Variants in SLCO1C1 observed in about 807,000 individuals in gnomAD.
SLCO1C1 encodes the protein solute carrier organic anion transporter family member 1C1.
A neutral mutation model predicts 76.4 loss-of-function variants in SLCO1C1; 70 were observed. The observed-to-expected ratio is 0.92, with a 90% confidence interval of 0.76 to 1.12. SLCO1C1 has a LOEUF of 1.12. SLCO1C1 is among the 50% of genes most tolerant of loss of function. The probability of loss-of-function intolerance (pLI) is 0.00; values close to 1 mark genes in which losing one functional copy is unlikely to be tolerated. For missense variants in SLCO1C1, 912 were observed against 823.8 expected, an observed-to-expected ratio of 1.11 and a Z score of -1.31; for synonymous variants, 306 against 286.1, an observed-to-expected ratio of 1.07 and a Z score of -0.70.
chr12:20,752,087 T>C (rs1949333323), intron 14 of SLCO1C1, among the ~76,000 whole-genome samples: 1 of 152,164 alleles, frequency 6.6e-6, no homozygotes, highest in Non-Finnish European at 1.5e-5. Flanking sequence ...AAACTGATTA[T>C]GTAATTAGTA....
intron 10 of SLCO1C1, among the ~76,000 whole-genome samples, chr12:20,733,326 T>C (rs1948383808): frequency 6.6e-6 from 1 of 152,192 alleles, no homozygotes; most frequent in Non-Finnish European, 1.5e-5. Context: ...TAAACCCATA[T>C]TTTACACTAG....
At position 20,717,773 on chromosome 12, in the gene SLCO1C1, G is replaced by T. The variant is rs905242424; in HGVS notation, c.775+543G>T. Reference sequence around the variant, plus strand: ...TGGCTTTTCTTCTGGGACGTTGCTTGTGTAGGAAATAAATGGCAAAGGGGA... The same window carrying T: ...TGGCTTTTCTTCTGGGACGTTGCTTTTGTAGGAAATAAATGGCAAAGGGGA... On this transcript the variant is annotated intron_variant, in intron 7 of 14. Transcript: ENST00000266509. Among the ~76,000 whole-genome samples the T allele has an allele frequency of 5.5e-5, 8 of 145,026 alleles. No individual in the cohort carries two copies. In the East Asian group the frequency reaches 1.5e-3, roughly 27 times the overall value.
At chr12:20,698,918 GCTGT>G (rs990875708) in intron 1 of SLCO1C1, among the ~76,000 whole-genome samples, 3 of 151,940 alleles carry the variant, frequency 2.0e-5, no homozygotes, top group Non-Finnish European at 2.9e-5. Context: ...GGGAAGCAAG[GCTGT>G]CTTTTTTACT....
At chr12:20,715,640 G>A (rs1408797188) in intron 6 of SLCO1C1, among the ~76,000 whole-genome samples, 1 of 152,080 alleles carries the variant, frequency 6.6e-6, no homozygotes, top group Non-Finnish European at 1.5e-5. Flanking sequence ...TTATTTAAAA[G>A]TTTGTTCCTT....
intron 7 of SLCO1C1, 31 bp from the exon 8 acceptor site, chr12:20,721,773 G>A (rs757734211): frequency 7.5e-6 from 12 of 1,606,848 alleles, no homozygotes; most frequent in South Asian, 1.1e-5. Flanking sequence ...TTTGCTGTTT[G>A]TATTACTTAG....
chr12:20,701,074 C>T (rs889960583), intron 2 of SLCO1C1, among the ~76,000 whole-genome samples: 1 of 152,050 alleles, frequency 6.6e-6, no homozygotes, highest in African/African-American at 2.4e-5. Context: ...TAATTCAATA[C>T]ACATTTCGCA....
rs544354865 is a variant in SLCO1C1, at chr12:20,711,746, G to A, written c.529+236G>A. Among the ~76,000 whole-genome samples the A allele has an allele frequency of 1.1e-4, 16 of 152,266 alleles. No homozygotes were observed. The East Asian group carries it at 2.7e-3, about 26-fold the overall frequency. ...AAAAGCATTAATTGATAGTTCCTGG[G>A]AAAATCTTTCAAAGCTTCTGAATAA... On this transcript the variant is annotated intron_variant, in intron 5 of 14. Coordinates refer to ENST00000266509, the MANE Select transcript of SLCO1C1 (RefSeq NM_017435.5).
chr12:20,751,419 G>GCAACGCTT (rs1949299230), intron 14 of SLCO1C1, among the ~76,000 whole-genome samples: 1 of 151,480 alleles, frequency 6.6e-6, no homozygotes, highest in South Asian at 2.1e-4. Flanking sequence ...AAGCATTGAA[G>GCAACGCTT]CAATGGCTTA....
In SLCO1C1 at chr12:20,706,101, C is replaced by T. The variant is rs201099004; in HGVS notation, c.404+20C>T. On this transcript the variant is annotated intron_variant, in intron 4 of 14. Transcript: ENST00000266509. ...GGAGCAGTAAGTCTAAAGCAATCAT[C>T]TTTTCCTTGCCTTTCCAAACAACTG... is the stretch of plus-strand genomic sequence containing the variant. 3.2e-6 allele frequency: 5 copies of T among 1,584,634 alleles called. No homozygotes were observed. In the East Asian group the frequency reaches 1.2e-4, roughly 37 times the overall value.
In SLCO1C1 at chr12:20,732,856, A is replaced by G. The variant is rs181776890; in HGVS notation, c.1187-53A>G. 174 of 1,587,846 alleles carry G rather than the reference A, an allele frequency of 1.1e-4. 2 individuals are homozygous for G. In the African/African-American group the frequency reaches 2.2e-3, roughly 20 times the overall value. ...GTCTTTAGAAAGTTTGTGTTAGTAC[A>G]CTCAAATCTTTTTTAGAGATTCACA... is the stretch of plus-strand genomic sequence containing the variant. On this transcript the variant is annotated intron_variant, in intron 9 of 14. Transcript: ENST00000266509.
chr12:20,701,550 G>T, intron 3 of SLCO1C1, 91 bp downstream of exon 3: 1 of 978,788 alleles, frequency 1.0e-6, no homozygotes, highest in South Asian at 3.5e-5. Context: ...TGTCTGCTGG[G>T]ATCAGACTCT....
Position 20,728,054 on chromosome 12 carries a change from G to A in SLCO1C1, c.1186+4800G>A, listed in dbSNP as rs111764003. On this transcript the variant is annotated intron_variant, in intron 9 of 14. Coordinates refer to ENST00000266509, the MANE Select transcript of SLCO1C1 (RefSeq NM_017435.5). ...TTTATCAATTTTTGGCTTTGTTGCA[G>A]TTGCTTTTGAGGACAAAGACATAAA... Among the ~76,000 whole-genome samples the A allele has an allele frequency of 3.9e-5, 6 of 152,242 alleles. 1 individual carries two copies. Among genetic ancestry groups the A allele is most frequent in the African/African-American group, 1.4e-4 (6 of 41,566 alleles).
At position 20,752,726 on chromosome 12, in the gene SLCO1C1, T is replaced by A. The variant is rs1207481666; in HGVS notation, c.*198T>A. The A allele has an allele frequency of 1.1e-5, 4 of 377,666 alleles. No individual in the cohort carries two copies. Among genetic ancestry groups the A allele is most frequent in the Non-Finnish European group, 1.9e-5 (4 of 214,538 alleles). The allele number at this position is 377,666 out of a possible 1,614,324, so 23.4% of individuals were successfully genotyped here. A position where few individuals can be genotyped will look rare whatever the true frequency, so the allele number is the denominator to read the frequency against. Reference sequence around the variant, plus strand: ...GGAAGATGCAGATGATAAAACTAATTTTGAACTTTTTAATTTATATAAATT... The same window carrying A: ...GGAAGATGCAGATGATAAAACTAATATTGAACTTTTTAATTTATATAAATT... On this transcript the variant is annotated 3_prime_UTR_variant, in exon 15 of 15. Transcript: ENST00000266509.
chr12:20,733,966 T>C (rs1948419196), intron 10 of SLCO1C1, among the ~76,000 whole-genome samples: 1 of 152,112 alleles, frequency 6.6e-6, no homozygotes, highest in South Asian at 2.1e-4. Context: ...TTATTTGTTT[T>C]CTAAAAAAAT....
intron 13 of SLCO1C1, among the ~76,000 whole-genome samples, chr12:20,749,079 C>A (rs2120932579): frequency 6.6e-6 from 1 of 152,170 alleles, no homozygotes; most frequent in East Asian, 1.9e-4. Flanking sequence ...TGAGTATTTG[C>A]AAAGTTTAGG....
chr12:20,716,384 C>G (rs1022113810), intron 6 of SLCO1C1, among the ~76,000 whole-genome samples: 1 of 152,164 alleles, frequency 6.6e-6, no homozygotes, highest in African/African-American at 2.4e-5. Context: ...TTCTCTTTTC[C>G]TCTGTTCCAA....
intron 13 of SLCO1C1, among the ~76,000 whole-genome samples, chr12:20,746,656 A>C (rs1233555995): frequency 6.6e-6 from 1 of 152,198 alleles, no homozygotes; most frequent in Admixed American, 6.5e-5. Context: ...GAATAAAAAA[A>C]TACACAGTAC....
At chr12:20,748,261 T>C (rs977832677) in intron 13 of SLCO1C1, among the ~76,000 whole-genome samples, 3 of 152,192 alleles carry the variant, frequency 2.0e-5, no homozygotes, top group Admixed American at 6.5e-5. Context: ...ATTTCAAATC[T>C]ACCAAAAAAT....
At chr12:20,705,831 C>T (rs986234300) in intron 3 of SLCO1C1, 118 bp from the exon 4 acceptor site, 17 of 962,974 alleles carry the variant, frequency 1.8e-5, no homozygotes, top group Non-Finnish European at 2.6e-5. Flanking sequence ...TTAAATGATG[C>T]AGAGATGGCT....
Sources: allele counts gnomAD v4.1 joint callset (sites outside exome capture counted in the v4.1 genomes callset), GRCh38; gene constraint gnomAD v4.1.1; transcripts MANE v1.5; gene names NCBI Gene and HGNC (gene_info 2026-07-23, HGNC 2026-07-21).